The following SCFD2 variants were observed in gnomAD, a reference collection of about 807,000 sequenced individuals.
SCFD2 encodes the protein sec1 family domain containing 2, also known as sec1 family domain-containing protein 2.
A neutral mutation model predicts 58.9 loss-of-function variants in SCFD2; 54 were observed. That is an observed-to-expected ratio of 0.92 (90% CI 0.74 to 1.15). SCFD2 has a LOEUF of 1.15. Ranked by LOEUF, SCFD2 falls within the 50% of genes most tolerant of loss-of-function variation. SCFD2 has a pLI of 0.00. For missense variants in SCFD2, 805 were observed against 836.6 expected (o/e 0.96, Z 0.47); for synonymous variants, 321 against 335.9 (o/e 0.96, Z 0.49).
At chr4:53,279,936 C>T (rs1296895247) in intron 3 of SCFD2, among the ~76,000 whole-genome samples, 1 of 152,192 alleles carries the variant, frequency 6.6e-6, no homozygotes, top group Non-Finnish European at 1.5e-5. Context: ...ATACAATTAC[C>T]TCCACCTGGT....
At chr4:52,884,063 C>A (rs1000327669) in intron 8 of SCFD2, among the ~76,000 whole-genome samples, 8 of 152,202 alleles carry the variant, frequency 5.3e-5, no homozygotes, top group African/African-American at 1.4e-4. Flanking sequence ...AGTCAATAAA[C>A]CCCTCAAACT....
intron 2 of SCFD2, among the ~76,000 whole-genome samples, chr4:53,338,584 T>TTTTTC (rs1317613916): frequency 1.3e-5 from 1 of 74,144 alleles, no homozygotes; most frequent in Non-Finnish European, 3.1e-5. Flanking sequence ...TCTTTTTTTT[T>TTTTTC]TTTTTTTTTT....
intron 2 of SCFD2, among the ~76,000 whole-genome samples, chr4:53,341,625 C>T (rs775500189): frequency 4.4e-4 from 67 of 152,234 alleles, no homozygotes; most frequent in Non-Finnish European, 7.8e-4. Flanking sequence ...AGACACTCTT[C>T]GAGAAGAGCA....
chr4:52,885,828 G>C lies in SCFD2; in HGVS notation c.1881C>G (p.Ile627Met). ...CTGTGACCCCACCTACCACAAAGAG[G>C]ATCAGGAGGGGGTAGTCACTAGGAT... ...RPHPSDYPLL[I>M]LFVVGGVTVS... Residue 627 changes from isoleucine (I) to methionine (M), a missense_variant, in exon 8 of 9, where the codon ATC (isoleucine) becomes ATG (methionine). Coordinates refer to ENST00000401642, the MANE Select transcript of SCFD2 (RefSeq NM_152540.4). 1 of 1,614,076 alleles carries C rather than the reference G, an allele frequency of 6.2e-7. No homozygotes were observed. The highest frequency in any genetic ancestry group is 8.5e-7 in the Non-Finnish European group (1 of 1,179,966).
At chr4:53,160,135 G>A (rs531494625) in intron 4 of SCFD2, among the ~76,000 whole-genome samples, 1 of 152,208 alleles carries the variant, frequency 6.6e-6, no homozygotes, top group Non-Finnish European at 1.5e-5. Context: ...GGAAACAGAA[G>A]AGTGGTAAGA....
chr4:52,947,184 G>T (rs1013518968), intron 5 of SCFD2, among the ~76,000 whole-genome samples: 1 of 152,136 alleles, frequency 6.6e-6, no homozygotes, highest in African/African-American at 2.4e-5. Flanking sequence ...TCACCATCAA[G>T]AAAAATATCT....
chr4:53,125,171 T>TA (rs1474199681), intron 5 of SCFD2, among the ~76,000 whole-genome samples: 1 of 152,164 alleles, frequency 6.6e-6, no homozygotes, highest in African/African-American at 2.4e-5. Context: ...AGTTCCATCT[T>TA]AAAGAATGAG....
At chr4:53,085,287 G>T (rs188264361) in intron 5 of SCFD2, among the ~76,000 whole-genome samples, 110 of 151,962 alleles carry the variant, frequency 7.2e-4, no homozygotes, top group African/African-American at 2.5e-3. Context: ...ATTTACAAAG[G>T]CCACAAATAA....
intron 5 of SCFD2, among the ~76,000 whole-genome samples, chr4:52,969,647 T>C (rs748524533): frequency 1.1e-4 from 16 of 152,180 alleles, no homozygotes; most frequent in Non-Finnish European, 2.2e-4. Flanking sequence ...TTCCTCTGCC[T>C]CAGTGATTGT....
chr4:53,179,616 C>A (rs1414804740), intron 4 of SCFD2, among the ~76,000 whole-genome samples: 3 of 152,164 alleles, frequency 2.0e-5, no homozygotes, highest in Non-Finnish European at 4.4e-5. Context: ...AACCAGCTAA[C>A]ATCATAATGA....
chr4:53,195,928 A>T (rs1728044935), intron 4 of SCFD2, among the ~76,000 whole-genome samples: 1 of 152,182 alleles, frequency 6.6e-6, no homozygotes, highest in South Asian at 2.1e-4. Flanking sequence ...AGCTACTCTA[A>T]TCTCAAATGG....
intron 5 of SCFD2, among the ~76,000 whole-genome samples, chr4:53,053,632 G>A (rs1277600226): frequency 6.6e-6 from 1 of 152,042 alleles, no homozygotes; most frequent in East Asian, 1.9e-4. Flanking sequence ...CTCTAGAAAT[G>A]CCATCCCATT....
Position 53,313,811 on chromosome 4 carries a change from A to T in SCFD2, c.1008-48T>A, listed in dbSNP as rs779302781. 1.9e-6 allele frequency: 3 copies of T among 1,602,382 alleles called. No individual in the cohort carries two copies. The Admixed American group carries it at 5.0e-5, about 27-fold the overall frequency. On this transcript the variant is annotated intron_variant, in intron 2 of 8. Transcript: ENST00000401642. Reference sequence around the variant, plus strand: ...GCTTTAGAATAAATTTCTACTGGATACTGGAAAGGGTTGAAAGCAAAATAC... The same window carrying T: ...GCTTTAGAATAAATTTCTACTGGATTCTGGAAAGGGTTGAAAGCAAAATAC...
chr4:53,327,868 C>A (rs1263113616), intron 2 of SCFD2, among the ~76,000 whole-genome samples: 1 of 151,990 alleles, frequency 6.6e-6, no homozygotes, highest in East Asian at 1.9e-4. Flanking sequence ...AAAGATCGGC[C>A]GGGTGCAGTG....
intron 2 of SCFD2, among the ~76,000 whole-genome samples, chr4:53,332,726 T>G (rs1396763563): frequency 6.6e-6 from 1 of 151,820 alleles, no homozygotes; most frequent in South Asian, 2.1e-4. Context: ...CTATTCAACA[T>G]AGTGTTGGAA....
At chr4:53,306,005 A>C (rs1226500254) in intron 3 of SCFD2, among the ~76,000 whole-genome samples, 3 of 152,200 alleles carry the variant, frequency 2.0e-5, no homozygotes, top group Non-Finnish European at 4.4e-5. Flanking sequence ...TCAAGTTCCT[A>C]TGTTAGGTGC....
At chr4:53,254,831 TTTTATTTTATTTTATTTTATTTTATTTTA>T (rs1358770440) in intron 4 of SCFD2, among the ~76,000 whole-genome samples, 1 of 137,390 alleles carries the variant, frequency 7.3e-6, no homozygotes, top group African/African-American at 3.0e-5. Flanking sequence ...TTTTATTTTA[TTTTATTTTATTTTATTTTATTTTATTTTA>T]TTTATTTTAT....
intron 4 of SCFD2, among the ~76,000 whole-genome samples, chr4:53,238,046 C>T (rs550274687): frequency 7.4e-5 from 10 of 135,424 alleles, no homozygotes; most frequent in East Asian, 2.4e-4. Flanking sequence ...GCTGGCCGGG[C>T]GGGGGGCTGA....
At chr4:53,211,842 T>C (rs1337701227) in intron 4 of SCFD2, among the ~76,000 whole-genome samples, 3 of 152,106 alleles carry the variant, frequency 2.0e-5, no homozygotes, top group Admixed American at 6.5e-5. Flanking sequence ...CCAATAAATA[T>C]AATCCATTTA....
Sources: gnomAD v4.1 joint callset for allele counts (sites outside exome capture counted in the v4.1 genomes callset) on GRCh38, gnomAD v4.1.1 for gene constraint, MANE v1.5 for transcripts, NCBI Gene and HGNC (gene_info 2026-07-23, HGNC 2026-07-21) for gene names.